The following TTC38 variants were observed in gnomAD, a reference collection of about 807,000 sequenced individuals.
TTC38 encodes the protein tetratricopeptide repeat domain 38.
TTC38 carries 64 observed loss-of-function variants against 64.2 expected under a neutral mutation model. That is an observed-to-expected ratio of 1.00 (90% CI 0.81 to 1.23). TTC38 has a LOEUF of 1.23. Among genes scored for constraint, TTC38 ranks in the 50% most tolerant of loss-of-function variants. TTC38 has a pLI of 0.00. For synonymous variants in TTC38, 254 were observed against 249.3 expected (o/e 1.02, Z -0.18); for missense variants, 573 against 615.5 (o/e 0.93, Z 0.73).
rs57859102 is a variant in TTC38 at position 46,276,824 on chromosome 22, AATATAT to A, written c.539+1415_539+1420del. On this transcript the variant is annotated intron_variant, in intron 5 of 13. Coordinates refer to ENST00000381031, the MANE Select transcript of TTC38 (RefSeq NM_017931.4). This position sits in a 1 kb window ranked among gnomAD's most constrained non-coding sequence, Gnocchi z 4.7. ...ATTATATATTAAAATATATATATTA[AATATAT>A]ATATATATATAAACATATATATATA... Among the ~76,000 whole-genome samples the A allele has an allele frequency of 7.2e-6, 1 of 139,556 alleles. No individual in the cohort carries two copies. Among genetic ancestry groups the A allele is most frequent in the Non-Finnish European group, 1.5e-5 (1 of 65,756 alleles). 91.6% of individuals were successfully genotyped at this position (139,556 alleles called of 152,430 possible).
rs2077617442 is a variant in TTC38, at chr22:46,291,735, A to G, written c.1317-1056A>G. ...TTTCGGAGGCCAAGGCGGGTGGATCACCTGAGGTCAGGAGTTCAAGACCAG... is the reference window on the plus strand; with the variant it reads ...TTTCGGAGGCCAAGGCGGGTGGATCGCCTGAGGTCAGGAGTTCAAGACCAG... On this transcript the variant is annotated intron_variant, in intron 13 of 13. Coordinates refer to ENST00000381031, the MANE Select transcript of TTC38 (RefSeq NM_017931.4). The surrounding 1 kb of genome is among the most constrained non-coding windows in gnomAD (Gnocchi z 4.6). 6.6e-6 allele frequency among the ~76,000 whole-genome samples: 1 copy of G among 152,134 alleles called. No individual in the cohort carries two copies. The highest frequency in any genetic ancestry group is 2.1e-4 in the South Asian group (1 of 4,830).
At position 46,285,243 on chromosome 22, in the gene TTC38, C is replaced by T. The variant is rs749513954; in HGVS notation, c.798C>T (p.Gly266=). The T allele has an allele frequency of 1.7e-5, 27 of 1,613,940 alleles. No individual in the cohort carries two copies. The highest frequency in any genetic ancestry group is 1.6e-4 in the Middle Eastern group (1 of 6,084). Residue 266 remains glycine, a splice_region_variant and synonymous_variant, in exon 9 of 14, where the codon GGC becomes GGT. Transcript: ENST00000381031. Reference sequence around the variant, plus strand: ...TAAGGAGAACTTTATTCTTCCAGGGCGAATATGAGGCCGCGCTGACCATCT... The same window carrying T: ...TAAGGAGAACTTTATTCTTCCAGGGTGAATATGAGGCCGCGCTGACCATCT... ...WHWALYLIEK[G]EYEAALTIYD...
In TTC38 at chr22:46,281,545, G is replaced by A. The variant is rs896648507; in HGVS notation, c.616-54G>A. ...TTAGAGACCTGCCGTCGCCTGCCCCGGCAGCCTGACTGATCTGCTTTATCT... is the reference window on the plus strand; with the variant it reads ...TTAGAGACCTGCCGTCGCCTGCCCCAGCAGCCTGACTGATCTGCTTTATCT... On this transcript the variant is annotated intron_variant, in intron 6 of 13. Transcript: ENST00000381031. This position sits in a 1 kb window ranked among gnomAD's most constrained non-coding sequence, Gnocchi z 5.2. 9.7e-6 allele frequency: 14 copies of A among 1,438,176 alleles called. No homozygotes were observed. Among genetic ancestry groups the A allele is most frequent in the Admixed American group, 3.7e-5 (2 of 53,670 alleles). The allele number at this position is 1,438,176 out of a possible 1,614,324, so 89.1% of individuals were successfully genotyped here. A position where few individuals can be genotyped will look rare whatever the true frequency, so the allele number is the denominator to read the frequency against.
chr22:46,277,378 G>A (rs796065700), intron 5 of TTC38, among the ~76,000 whole-genome samples: 2 of 152,164 alleles, frequency 1.3e-5, no homozygotes, highest in South Asian at 4.1e-4. Flanking sequence ...GCCGAGGCGG[G>A]TGGATCACCT....
At chr22:46,285,196 CT>C (rs2077562817) in intron 8 of TTC38, 44 bp from the exon 9 acceptor site, 2 of 1,596,142 alleles carry the variant, frequency 1.3e-6, no homozygotes, top group Admixed American at 3.3e-5. Context: ...CAGCATTACA[CT>C]TTGCCTTCTC....
At chr22:46,279,676 A>C (rs1029948442) in intron 6 of TTC38, among the ~76,000 whole-genome samples, 1 of 152,232 alleles carries the variant, frequency 6.6e-6, no homozygotes, top group Admixed American at 6.5e-5. Context: ...CTGATTACAG[A>C]ATCCGAGACT....
chr22:46,290,153 G>A (rs1377019670), intron 13 of TTC38, among the ~76,000 whole-genome samples: 1 of 152,216 alleles, frequency 6.6e-6, no homozygotes, highest in Non-Finnish European at 1.5e-5. Flanking sequence ...AGCTACCTGG[G>A]TACGTAAACA....
chr22:46,275,652 A>G lies in TTC38; in HGVS notation c.539+231A>G, dbSNP rs1936992796. The stretch of plus-strand genomic sequence containing the variant: ...GCATGGGATTGTTTTTGCTGCAGTA[A>G]TAAACATCCCCTGGTTCTTCTTCCC... On this transcript the variant is annotated intron_variant, in intron 5 of 13. Transcript: ENST00000381031. This position sits in a 1 kb window ranked among gnomAD's most constrained non-coding sequence, Gnocchi z 4.5. Among the ~76,000 whole-genome samples the G allele has an allele frequency of 6.6e-6, 1 of 152,178 alleles. No individual in the cohort carries two copies. The highest frequency in any genetic ancestry group is 2.4e-5 in the African/African-American group (1 of 41,432).
chr22:46,276,031 G>A lies in TTC38; in HGVS notation c.539+610G>A, dbSNP rs998394683. On this transcript the variant is annotated intron_variant, in intron 5 of 13. Transcript: ENST00000381031. The surrounding 1 kb of genome is among the most constrained non-coding windows in gnomAD (Gnocchi z 4.7). ...AACAGCCCCAGTGACCACCACACAG[G>A]ACTGACTTCACTGCAGCTTCATTAC... 1.6e-4 allele frequency among the ~76,000 whole-genome samples: 24 copies of A among 152,160 alleles called. No homozygotes were observed. The highest frequency in any genetic ancestry group is 5.8e-4 in the African/African-American group (24 of 41,422).
chr22:46,275,382 G>A lies in TTC38; in HGVS notation c.500G>A (p.Arg167Gln), dbSNP rs1251190923. The change falls in exon 5 of 14, where the codon CGA (arginine) becomes CAA (glutamine). Residue 167 changes from arginine (R) to glutamine (Q), a missense_variant. Physicochemically the swap from Arg to Gln is conservative, Grantham distance 43. This residue lies in a region of TTC38 where 68 missense variants were observed against 107.3 expected (regional missense o/e 0.63). Coordinates refer to ENST00000381031, the MANE Select transcript of TTC38 (RefSeq NM_017931.4). This position sits in a 1 kb window ranked among gnomAD's most constrained non-coding sequence, Gnocchi z 4.5. Reference sequence around the variant, plus strand: ...GAACAGATGAGAGATTCTGTTGCTCGAATTTACCCCTTCTGGACACCTGAC... The same window carrying A: ...GAACAGATGAGAGATTCTGTTGCTCAAATTTACCCCTTCTGGACACCTGAC... ...YQEQMRDSVA[R>Q]IYPFWTPDIP... 18 of 1,614,116 alleles carry A rather than the reference G, an allele frequency of 1.1e-5. No homozygotes were observed. Among genetic ancestry groups the A allele is most frequent in the East Asian group, 2.2e-5 (1 of 44,884 alleles).
intron 13 of TTC38, 70 bp downstream of exon 13, chr22:46,289,969 G>A: frequency 1.4e-6 from 2 of 1,405,336 alleles, no homozygotes; most frequent in African/African-American, 1.4e-5. Flanking sequence ...AGGAGTGCCT[G>A]GAAGCCCCAC....
rs755554638 is a variant in TTC38 at position 46,292,169 on chromosome 22, T to C, written c.1317-622T>C. On this transcript the variant is annotated intron_variant, in intron 13 of 13. Transcript: ENST00000381031. This position sits in a 1 kb window ranked among gnomAD's most constrained non-coding sequence, Gnocchi z 6.5. ...TGCTAATTCTTTCACGTCTCTTCTT[T>C]CTTCTTTCTTTTTAAATTTTTTTAT... The C allele has an allele frequency of 1.8e-5, 8 of 435,300 alleles. No homozygotes were observed. Among genetic ancestry groups the C allele is most frequent in the Non-Finnish European group, 3.2e-5 (7 of 220,872 alleles). 27.0% of individuals were successfully genotyped at this position (435,300 alleles called of 1,614,324 possible). A position where few individuals can be genotyped will look rare whatever the true frequency, so the allele number is the denominator to read the frequency against.
chr22:46,292,735 G>C lies in TTC38; in HGVS notation c.1317-56G>C. 1 of 1,492,552 alleles carries C rather than the reference G, an allele frequency of 6.7e-7. No homozygotes were observed. The highest frequency in any genetic ancestry group is 9.3e-7 in the Non-Finnish European group (1 of 1,071,820). The allele number at this position is 1,492,552 out of a possible 1,614,324, so 92.5% of individuals were successfully genotyped here. On this transcript the variant is annotated intron_variant, in intron 13 of 13. Coordinates refer to ENST00000381031, the MANE Select transcript of TTC38 (RefSeq NM_017931.4). The surrounding 1 kb of genome is among the most constrained non-coding windows in gnomAD (Gnocchi z 6.5). ...CTGCCTTGGGACCAAGGGACCACCAGGCCCCACATCCCTCTAGAAGGTTCT... is the reference window on the plus strand; with the variant it reads ...CTGCCTTGGGACCAAGGGACCACCACGCCCCACATCCCTCTAGAAGGTTCT...
intron 1 of TTC38, 122 bp downstream of exon 1, chr22:46,268,194 A>G (rs1438645748): frequency 7.1e-6 from 8 of 1,133,098 alleles, no homozygotes; most frequent in Non-Finnish European, 7.3e-6. Flanking sequence ...CCCTGGGCGC[A>G]CGGGCGCGTC....
rs189028133 is a variant in TTC38, at chr22:46,276,283, G to A, written c.539+862G>A. Among the ~76,000 whole-genome samples, 39 of 152,320 alleles carry A rather than the reference G, an allele frequency of 2.6e-4. No individual in the cohort carries two copies. Among genetic ancestry groups the A allele is most frequent in the African/African-American group, 8.2e-4 (34 of 41,568 alleles). On this transcript the variant is annotated intron_variant, in intron 5 of 13. Coordinates refer to ENST00000381031, the MANE Select transcript of TTC38 (RefSeq NM_017931.4). This position sits in a 1 kb window ranked among gnomAD's most constrained non-coding sequence, Gnocchi z 4.7. ...TCTTACATCTGGAGGCAGTCTGCAG[G>A]CAGAATTTCTTCTTCTAGGGGCCTC...
intron 9 of TTC38, among the ~76,000 whole-genome samples, chr22:46,286,750 C>T (rs1395811443): frequency 2.0e-5 from 3 of 152,112 alleles, no homozygotes; most frequent in Non-Finnish European, 4.4e-5. Flanking sequence ...AGTCTAGAAA[C>T]GTGATCGGGC....
In TTC38 at chr22:46,272,565, A is replaced by G. The variant is rs1387097567; in HGVS notation, c.193+149A>G. ...TTTGCACAGAGGGAGAGAAGATGAC[A>G]GCTGCCTTTGTGTCTGGAAAAACAG... On this transcript the variant is annotated intron_variant, in intron 3 of 13. Transcript: ENST00000381031. The surrounding 1 kb of genome is among the most constrained non-coding windows in gnomAD (Gnocchi z 6.4). 6 of 627,360 alleles carry G rather than the reference A, an allele frequency of 9.6e-6. No homozygotes were observed. Among genetic ancestry groups the G allele is most frequent in the Non-Finnish European group, 1.7e-5 (6 of 351,876 alleles). The allele number at this position is 627,360 out of a possible 1,614,324, so 38.9% of individuals were successfully genotyped here.
rs557832935 is a variant in TTC38 at position 46,274,695 on chromosome 22, C to A, written c.366-553C>A. Among the ~76,000 whole-genome samples, 1 of 151,400 alleles carries A rather than the reference C, an allele frequency of 6.6e-6. No individual in the cohort carries two copies. The highest frequency in any genetic ancestry group is 1.5e-5 in the Non-Finnish European group (1 of 67,974). On this transcript the variant is annotated intron_variant, in intron 4 of 13. Transcript: ENST00000381031. This position sits in a 1 kb window ranked among gnomAD's most constrained non-coding sequence, Gnocchi z 4.8. ...TCAGAGACTTCCTGTGGCTGTCTCA[C>A]GGTCTCCACTGGGATTATCTTTGGC...
At position 46,289,549 on chromosome 22, in the gene TTC38, GA is replaced by G. The variant is rs1351138010; in HGVS notation, c.1231del (p.Ser411AlafsTer12). The G allele has an allele frequency of 6.3e-7, 1 of 1,589,926 alleles. No individual in the cohort carries two copies. Among genetic ancestry groups the G allele is most frequent in the South Asian group, 1.1e-5 (1 of 88,318 alleles). ...GCTACCGGATCGTCCAGCTCGGTGG[GA>G]GCAATGCCCAGGTGAGCCGATGGCC... ...IRYRIVQLGGSNAQRDVFNQL... is the reference protein window; with the variant it reads ...IRYRIVQLGGXNAQRDVFNQL... On this transcript the variant is annotated frameshift_variant, in exon 12 of 14. Coordinates refer to ENST00000381031, the MANE Select transcript of TTC38 (RefSeq NM_017931.4). LOFTEE classifies it high-confidence loss of function.
Sources: gnomAD v4.1 joint callset for allele counts (sites outside exome capture counted in the v4.1 genomes callset) on GRCh38, gnomAD v4.1.1 for gene constraint, gnomAD v4.1.1 regional missense constraint, Gnocchi (gnomAD v3.1) non-coding constraint, MANE v1.5 for transcripts, NCBI Gene and HGNC (gene_info 2026-07-23, HGNC 2026-07-21) for gene names.